CYFIP1: variants seen among roughly 807,000 people sequenced by gnomAD.
CYFIP1 encodes the protein cytoplasmic FMR1-interacting protein 1.
A neutral mutation model predicts 163.5 loss-of-function variants in CYFIP1; 58 were observed. That is an observed-to-expected ratio of 0.35 (90% CI 0.29 to 0.44). CYFIP1 has a LOEUF of 0.44. CYFIP1 is among the 20% of genes least tolerant of loss of function. CYFIP1 has a pLI of 1.00. For synonymous variants in CYFIP1, 663 were observed against 660.7 expected (o/e 1.00, Z -0.05); for missense variants, 1,338 against 1,653.8 (o/e 0.81, Z 3.31).
intron 24 of CYFIP1, 29 bp downstream of exon 24, chr15:22,882,839 T>C (rs2059805891): frequency 1.3e-6 from 2 of 1,598,558 alleles, no homozygotes; most frequent in Admixed American, 1.7e-5. Flanking sequence ...CCAGGCTGTG[T>C]GAAAGAAGCA....
chr15:22,978,660 T>C (rs1374336010), intron 1 of CYFIP1, among the ~76,000 whole-genome samples: 3 of 152,174 alleles, frequency 2.0e-5, no homozygotes, highest in African/African-American at 4.8e-5. Context: ...AGTTTTGTAA[T>C]TTTTCTCATC....
At position 22,917,931 on chromosome 15, in the gene CYFIP1, G is replaced by C; in HGVS notation, c.1531C>G (p.Leu511Val). The C allele has an allele frequency of 6.2e-7, 1 of 1,613,284 alleles. No homozygotes were observed. The highest frequency in any genetic ancestry group is 8.5e-7 in the Non-Finnish European group (1 of 1,179,704). ...CACACGGTCTTCCTGATGGCCTGCA[G>C]GACACTGAACACCCCACCAAGTGAT... The part of the protein sequence containing the change: ...KKKKNVIQSV[L>V]QAIRKTVCDW... Residue 511 changes from leucine to valine, a missense_variant, in exon 15 of 31, where the codon CTG (leucine) becomes GTG (valine). Physicochemically the swap from Leu to Val is conservative, Grantham distance 32. Transcript: ENST00000617928. The surrounding 1 kb of genome is among the most constrained non-coding windows in gnomAD (Gnocchi z 4.2).
At chr15:22,964,348 A>AAC (rs2062818881) in intron 1 of CYFIP1, among the ~76,000 whole-genome samples, 1 of 48,164 alleles carries the variant, frequency 2.1e-5, no homozygotes, top group Non-Finnish European at 4.1e-5. Flanking sequence ...CCGCAACCTC[A>AAC]TCACTCACAC....
At chr15:22,964,314 A>AC (rs2062814615) in intron 1 of CYFIP1, among the ~76,000 whole-genome samples, 2 of 77,122 alleles carry the variant, frequency 2.6e-5, no homozygotes, top group African/African-American at 6.2e-5. Flanking sequence ...ACACACACAC[A>AC]ACTGGCGGCC....
intron 22 of CYFIP1, among the ~76,000 whole-genome samples, chr15:22,899,496 A>T (rs1057419603): frequency 3.9e-5 from 6 of 151,982 alleles, no homozygotes; most frequent in African/African-American, 1.4e-4. Context: ...TTTTTTCATG[A>T]TTGTGAGTGA....
chr15:22,946,448 C>G (rs1269008753), intron 3 of CYFIP1, among the ~76,000 whole-genome samples: 1 of 151,984 alleles, frequency 6.6e-6, no homozygotes, highest in Non-Finnish European at 1.5e-5. Flanking sequence ...CGAGACCAGC[C>G]CGACCAACAT....
At chr15:22,970,205 G>A (rs1348867158) in intron 1 of CYFIP1, among the ~76,000 whole-genome samples, 1 of 152,008 alleles carries the variant, frequency 6.6e-6, no homozygotes, top group African/African-American at 2.4e-5. Flanking sequence ...GTCTCAAAAT[G>A]GCTAAATACA....
chr15:22,895,523 G>A (rs1438972116), intron 22 of CYFIP1, among the ~76,000 whole-genome samples: 1 of 152,100 alleles, frequency 6.6e-6, no homozygotes. Context: ...TTGACTCCTG[G>A]GTAGGATTTG....
At chr15:22,874,814 C>T (rs912739156) in intron 27 of CYFIP1, among the ~76,000 whole-genome samples, 170 bp from the exon 28 acceptor site, 3 of 152,050 alleles carry the variant, frequency 2.0e-5, no homozygotes, top group South Asian at 2.1e-4. Context: ...TAATTCAAAC[C>T]GGCAGAACCA....
chr15:22,978,352 C>CAAAAAAAAA lies in CYFIP1; in HGVS notation c.-7+1926_-7+1934dup, dbSNP rs397976366. 1.3e-3 allele frequency among the ~76,000 whole-genome samples: 69 copies of CAAAAAAAAA among 52,772 alleles called. 6 individuals carry two copies. Among genetic ancestry groups the CAAAAAAAAA allele is most frequent in the African/African-American group, 4.1e-3 (62 of 15,200 alleles). 34.6% of individuals were successfully genotyped at this position (52,772 alleles called of 152,430 possible). ...GGGCCACAGAGTTAAGACTCTGTCA[C>CAAAAAAAAA]AAAAAAAAAAAAAAAAAAAAAAAAA... On this transcript the variant is annotated intron_variant, in intron 1 of 30. Transcript: ENST00000617928.
intron 1 of CYFIP1, among the ~76,000 whole-genome samples, chr15:22,958,260 AT>A (rs934986688): frequency 2.6e-5 from 4 of 151,900 alleles, no homozygotes; most frequent in African/African-American, 9.7e-5. Context: ...TAATTTTTGT[AT>A]TTCTAATAGA....
At chr15:22,912,322 C>T (rs753199747) in intron 17 of CYFIP1, 47 bp from the exon 18 acceptor site, 13 of 1,449,740 alleles carry the variant, frequency 9.0e-6, no homozygotes, top group Non-Finnish European at 1.2e-5. Flanking sequence ...GCCACTCACT[C>T]GCAGCTCCGA....
chr15:22,883,627 C>G (rs1424372130), intron 23 of CYFIP1, among the ~76,000 whole-genome samples: 1 of 152,032 alleles, frequency 6.6e-6, no homozygotes, highest in African/African-American at 2.4e-5. Flanking sequence ...ACCATCCTGG[C>G]TAACACGGTG....
intron 1 of CYFIP1, among the ~76,000 whole-genome samples, chr15:22,965,698 A>G (rs2140229530): frequency 6.6e-6 from 1 of 152,300 alleles, no homozygotes; most frequent in East Asian, 1.9e-4. Flanking sequence ...CAAATACTAG[A>G]GCACCTGTAT....
In CYFIP1 at chr15:22,932,210, T is replaced by G. The variant is rs2061560963; in HGVS notation, c.1110+13A>C. 2 of 1,599,828 alleles carry G rather than the reference T, an allele frequency of 1.3e-6. No individual in the cohort carries two copies. The highest frequency in any genetic ancestry group is 1.3e-5 in the African/African-American group (1 of 74,422). On this transcript the variant is annotated intron_variant, in intron 11 of 30. Coordinates refer to ENST00000617928, the MANE Select transcript of CYFIP1 (RefSeq NM_014608.6). ...CCTCGGGTGCCTGTGCAGCTCCAGG[T>G]CGCGGGGCGCACCTCGCTGTTGCTG...
intron 8 of CYFIP1, among the ~76,000 whole-genome samples, chr15:22,937,979 C>T (rs2061770511): frequency 6.6e-6 from 1 of 152,174 alleles, no homozygotes; most frequent in South Asian, 2.1e-4. Flanking sequence ...GCCAGGGCTC[C>T]CACACCAGCC....
chr15:22,880,807 C>T lies in CYFIP1; in HGVS notation c.2912-764G>A, dbSNP rs564439922. Among the ~76,000 whole-genome samples the T allele has an allele frequency of 2.6e-5, 4 of 152,262 alleles. No homozygotes were observed. The South Asian group carries it at 8.3e-4, about 32-fold the overall frequency. ...CACGGCCCCTCTGCTCCTCCCAGCTCTCAGCACCGCTGCAGGGACTCAGCC... is the reference window on the plus strand; with the variant it reads ...CACGGCCCCTCTGCTCCTCCCAGCTTTCAGCACCGCTGCAGGGACTCAGCC... On this transcript the variant is annotated intron_variant, in intron 25 of 30. Coordinates refer to ENST00000617928, the MANE Select transcript of CYFIP1 (RefSeq NM_014608.6).
intron 13 of CYFIP1, among the ~76,000 whole-genome samples, chr15:22,920,828 T>C (rs1364175837): frequency 6.6e-6 from 1 of 152,112 alleles, no homozygotes; most frequent in Non-Finnish European, 1.5e-5. Flanking sequence ...TTTTATATTG[T>C]TTTTCCAATC....
intron 1 of CYFIP1, among the ~76,000 whole-genome samples, chr15:22,948,638 C>T (rs2062139335): frequency 6.6e-6 from 1 of 152,078 alleles, no homozygotes; most frequent in South Asian, 2.1e-4. Context: ...AACACAGGTG[C>T]TGCAATTATC....
Sources: allele counts gnomAD v4.1 joint callset (sites outside exome capture counted in the v4.1 genomes callset), GRCh38; gene constraint gnomAD v4.1.1; non-coding constraint Gnocchi (gnomAD v3.1); transcripts MANE v1.5; gene names NCBI Gene and HGNC (gene_info 2026-07-23, HGNC 2026-07-21).